Variants in CAMSAP2 observed in about 807,000 individuals in gnomAD.
CAMSAP2 encodes the protein calmodulin regulated spectrin associated protein family member 2, also known as calmodulin-regulated spectrin-associated protein 2.
CAMSAP2 carries 26 observed loss-of-function variants against 146.1 expected under a neutral mutation model. The ratio of observed to expected loss-of-function variants is 0.18; its 90% CI spans 0.13 to 0.25. The LOEUF is 0.25. Ranked by LOEUF, CAMSAP2 falls within the 10% of genes least tolerant of loss-of-function variation. The pLI, the probability that CAMSAP2 is intolerant of heterozygous loss-of-function variation, is 1.00. For missense variants in CAMSAP2, 1,381 were observed against 1,759.3 expected (o/e 0.78, Z 3.85); for synonymous variants, 499 against 596.6 (o/e 0.84, Z 2.38).
chr1:200,740,868 A>G (rs747199665), intron 1 of CAMSAP2, among the ~76,000 whole-genome samples: 2 of 152,216 alleles, frequency 1.3e-5, no homozygotes, highest in Non-Finnish European at 2.9e-5. Context: ...TTTCATTGGA[A>G]GATGCTTCTG....
intron 4 of CAMSAP2, among the ~76,000 whole-genome samples, chr1:200,820,809 T>TTCCAAAC (rs1666738781): frequency 6.6e-6 from 1 of 152,210 alleles, no homozygotes; most frequent in African/African-American, 2.4e-5. Context: ...AGAGACTGTT[T>TTCCAAAC]AGCCATTTTC....
chr1:200,783,572 T>C (rs1471755328), intron 2 of CAMSAP2, among the ~76,000 whole-genome samples: 1 of 152,200 alleles, frequency 6.6e-6, no homozygotes, highest in Non-Finnish European at 1.5e-5. Flanking sequence ...AGCCTCGACT[T>C]CCTAGCCTCT....
In CAMSAP2 at chr1:200,741,239, T is replaced by A. The variant is rs1002727865; in HGVS notation, c.139+1273T>A. Reference sequence around the variant, plus strand: ...TGGCAGCCTTAATTTTACTTGAATTTTTATGCTTTGATATTAAGCTGGCAT... The same window carrying A: ...TGGCAGCCTTAATTTTACTTGAATTATTATGCTTTGATATTAAGCTGGCAT... On this transcript the variant is annotated intron_variant, in intron 1 of 16. Coordinates refer to ENST00000358823, the MANE Select transcript of CAMSAP2 (RefSeq NM_203459.4). 3.9e-5 allele frequency among the ~76,000 whole-genome samples: 6 copies of A among 152,234 alleles called. 1 individual carries two copies. The highest frequency in any genetic ancestry group is 3.9e-4 in the Admixed American group (6 of 15,288).
intron 12 of CAMSAP2, 122 bp downstream of exon 12, chr1:200,852,799 T>C: frequency 2.8e-6 from 3 of 1,075,598 alleles, no homozygotes; most frequent in Non-Finnish European, 2.6e-6. Flanking sequence ...CAGATTTCTT[T>C]CAGAGAAGTT....
intron 4 of CAMSAP2, among the ~76,000 whole-genome samples, chr1:200,820,980 A>G (rs1229459513): frequency 6.6e-6 from 1 of 152,156 alleles, no homozygotes; most frequent in African/African-American, 2.4e-5. Context: ...AAAACATTTA[A>G]TGTTCAAATA....
intron 1 of CAMSAP2, among the ~76,000 whole-genome samples, chr1:200,740,925 A>G (rs1286102508): frequency 6.6e-6 from 1 of 152,216 alleles, no homozygotes; most frequent in East Asian, 1.9e-4. Context: ...TCTGTTCCCT[A>G]GTTAATGAAG....
Position 200,848,983 on chromosome 1 carries a change from G to T in CAMSAP2, c.2214G>T (p.Gln738His). 1 of 1,614,156 alleles carries T rather than the reference G, an allele frequency of 6.2e-7. No individual in the cohort carries two copies. Among genetic ancestry groups the T allele is most frequent in the Non-Finnish European group, 8.5e-7 (1 of 1,180,010 alleles). Reference sequence around the variant, plus strand: ...TTCCAGAAGAAACAGGGCTTCCACAGGGACGGGACACTACCCAGCTGTTGG... The same window carrying T: ...TTCCAGAAGAAACAGGGCTTCCACATGGACGGGACACTACCCAGCTGTTGG... ...AQIPEETGLP[Q>H]GRDTTQLLAS... Residue 738 changes from glutamine (Q) to histidine (H), a missense_variant, in exon 11 of 17, where the codon CAG (glutamine) becomes CAT (histidine). Gln to His is a conservative substitution (Grantham distance 24). Transcript: ENST00000358823.
intron 1 of CAMSAP2, among the ~76,000 whole-genome samples, chr1:200,753,697 C>A (rs1347953416): frequency 6.6e-6 from 1 of 152,140 alleles, no homozygotes; most frequent in East Asian, 1.9e-4. Context: ...TCTGGTGCAC[C>A]CTATCTTTTG....
chr1:200,777,290 A>C (rs1665307633), intron 2 of CAMSAP2, among the ~76,000 whole-genome samples: 1 of 152,150 alleles, frequency 6.6e-6, no homozygotes, highest in African/African-American at 2.4e-5. Context: ...TGGTGCTTTG[A>C]AGAGAGAAAT....
intron 2 of CAMSAP2, among the ~76,000 whole-genome samples, chr1:200,801,636 G>A (rs901431727): frequency 5.9e-5 from 9 of 151,946 alleles, no homozygotes; most frequent in South Asian, 2.1e-4. Context: ...GTTCCTTTTC[G>A]TTGTTTTTTC....
intron 2 of CAMSAP2, among the ~76,000 whole-genome samples, chr1:200,786,018 C>T (rs922495704): frequency 6.6e-6 from 1 of 152,202 alleles, no homozygotes; most frequent in African/African-American, 2.4e-5. Flanking sequence ...TCTTTTAAGA[C>T]ATTTGTCCAT....
chr1:200,752,717 A>G (rs970137032), intron 1 of CAMSAP2, among the ~76,000 whole-genome samples: 6 of 151,268 alleles, frequency 4.0e-5, no homozygotes, highest in African/African-American at 1.5e-4. Flanking sequence ...TCCCAGGTTC[A>G]CACATTCTCC....
chr1:200,752,656 C>T (rs60746073), intron 1 of CAMSAP2, among the ~76,000 whole-genome samples: 417 of 149,734 alleles, frequency 2.8e-3, no homozygotes, highest in African/African-American at 9.4e-3. Flanking sequence ...CTCGCTCTGT[C>T]GCCCAGGCTG....
intron 4 of CAMSAP2, among the ~76,000 whole-genome samples, chr1:200,827,941 T>G (rs896200099): frequency 5.3e-5 from 8 of 152,180 alleles, no homozygotes; most frequent in Non-Finnish European, 1.0e-4. Flanking sequence ...AGATAGTAAA[T>G]TTAATAACAT....
intron 12 of CAMSAP2, among the ~76,000 whole-genome samples, 198 bp downstream of exon 12, chr1:200,852,875 C>T (rs956007942): frequency 6.6e-6 from 1 of 151,990 alleles, no homozygotes; most frequent in Non-Finnish European, 1.5e-5. Context: ...AATTTATTTT[C>T]CCAAAGTATT....
At chr1:200,814,372 C>T (rs1322284861) in intron 3 of CAMSAP2, among the ~76,000 whole-genome samples, 6 of 151,704 alleles carry the variant, frequency 4.0e-5, no homozygotes, top group South Asian at 2.1e-4. Context: ...TTTGGGAGGC[C>T]GAGGTGGGTG....
At chr1:200,810,528 A>T (rs1206653158) in intron 3 of CAMSAP2, among the ~76,000 whole-genome samples, 1 of 150,028 alleles carries the variant, frequency 6.7e-6, no homozygotes, top group Non-Finnish European at 1.5e-5. Context: ...GTGTGCCGAG[A>T]TGGCGCCACG....
At chr1:200,774,481 T>C (rs896049903) in intron 2 of CAMSAP2, among the ~76,000 whole-genome samples, 1 of 152,164 alleles carries the variant, frequency 6.6e-6, no homozygotes, top group Non-Finnish European at 1.5e-5. Context: ...AGAATACTGA[T>C]TATTGTTTTC....
At position 200,738,940 on chromosome 1, in the gene CAMSAP2, A is replaced by AGCGGCGGCGGCGGCGGCGGCGGCG. The variant is rs537301220; in HGVS notation, c.-871_-870insGGCGGCGGCGGCGGCGGCGGCGGC. Reference sequence around the variant, plus strand: ...TCCAGTGCCGCAGCCGGAAAACCGCAGCGGCGGCGGCGGCGGCTGAGGGGG... The same window carrying AGCGGCGGCGGCGGCGGCGGCGGCG: ...TCCAGTGCCGCAGCCGGAAAACCGCAGCGGCGGCGGCGGCGGCGGCGGCGGCGGCGGCGGCGGCGGCTGAGGGGG... On this transcript the variant is annotated 5_prime_UTR_variant, in exon 1 of 17. Coordinates refer to ENST00000358823, the MANE Select transcript of CAMSAP2 (RefSeq NM_203459.4). Among the ~76,000 whole-genome samples, 4 of 149,012 alleles carry AGCGGCGGCGGCGGCGGCGGCGGCG rather than the reference A, an allele frequency of 2.7e-5. No individual in the cohort carries two copies. Among genetic ancestry groups the AGCGGCGGCGGCGGCGGCGGCGGCG allele is most frequent in the African/African-American group, 7.5e-5 (3 of 39,982 alleles).
Sources: allele counts gnomAD v4.1 joint callset (sites outside exome capture counted in the v4.1 genomes callset), GRCh38; gene constraint gnomAD v4.1.1; transcripts MANE v1.5; gene names NCBI Gene and HGNC (gene_info 2026-07-23, HGNC 2026-07-21).